NELL1: variants seen among roughly 807,000 people sequenced by gnomAD.
NELL1 encodes the protein neural EGFL like 1.
In NELL1, 76 loss-of-function variants were observed where a neutral mutation model predicts 107.4. The ratio of observed to expected loss-of-function variants is 0.71; its 90% CI spans 0.59 to 0.86. The LOEUF (loss-of-function observed/expected upper bound fraction) is 0.86. Among genes scored for constraint, NELL1 ranks in the 40% least tolerant of loss-of-function variants. The probability of loss-of-function intolerance (pLI) is 0.00; values close to 1 mark genes in which losing one functional copy is unlikely to be tolerated. For missense variants in NELL1, 1,024 were observed against 1,005.5 expected (o/e 1.02, Z -0.25); for synonymous variants, 353 against 341.2 (o/e 1.03, Z -0.38).
rs376781188 is a variant in NELL1 at position 21,341,550 on chromosome 11, A to G, written c.1550-29303A>G. On this transcript the variant is annotated intron_variant, in intron 14 of 19. Coordinates refer to ENST00000357134, the MANE Select transcript of NELL1 (RefSeq NM_006157.5). Reference sequence around the variant, plus strand: ...GAGTCTGGAGTATATGTGATGAATTATATTAATCGGGAGTGAATTGATACT... The same window carrying G: ...GAGTCTGGAGTATATGTGATGAATTGTATTAATCGGGAGTGAATTGATACT... Among the ~76,000 whole-genome samples, 14 of 152,284 alleles carry G rather than the reference A, an allele frequency of 9.2e-5. No individual in the cohort carries two copies. The East Asian group carries it at 1.9e-3, about 21-fold the overall frequency.
At position 21,443,206 on chromosome 11, in the gene NELL1, C is replaced by T. The variant is rs576140383; in HGVS notation, c.1645+72258C>T. Among the ~76,000 whole-genome samples, 23 of 152,112 alleles carry T rather than the reference C, an allele frequency of 1.5e-4. No individual in the cohort carries two copies. The South Asian group carries it at 3.9e-3, about 26-fold the overall frequency. On this transcript the variant is annotated intron_variant, in intron 15 of 19. Coordinates refer to ENST00000357134, the MANE Select transcript of NELL1 (RefSeq NM_006157.5). ...GAAAAAAAAGTTAGACCAAACTCAT[C>T]GTTTTATGAGGAGCCCAATTTCTGA...
At chr11:20,802,712 A>G (rs1410066887) in intron 3 of NELL1, among the ~76,000 whole-genome samples, 2 of 152,110 alleles carry the variant, frequency 1.3e-5, no homozygotes, top group Admixed American at 6.5e-5. Context: ...TCTTTCATAC[A>G]TGGCTTTTAT....
At chr11:21,077,230 A>G (rs1475249586) in intron 12 of NELL1, among the ~76,000 whole-genome samples, 2 of 152,202 alleles carry the variant, frequency 1.3e-5, no homozygotes, top group African/African-American at 4.8e-5. Flanking sequence ...ATATTATTCT[A>G]AAGACATAGA....
At chr11:20,837,022 G>A (rs1019153695) in intron 3 of NELL1, among the ~76,000 whole-genome samples, 2 of 152,116 alleles carry the variant, frequency 1.3e-5, no homozygotes, top group Admixed American at 6.6e-5. Context: ...ATATCTAACT[G>A]TATTATAAAT....
At chr11:20,806,694 T>G (rs1286402861) in intron 3 of NELL1, among the ~76,000 whole-genome samples, 8 of 152,176 alleles carry the variant, frequency 5.3e-5, no homozygotes, top group Admixed American at 5.2e-4. Context: ...TCGAAGCTAT[T>G]TTCTAGATCT....
chr11:21,536,988 C>T (rs1408587957), intron 16 of NELL1, among the ~76,000 whole-genome samples: 2 of 152,156 alleles, frequency 1.3e-5, no homozygotes, highest in Admixed American at 6.5e-5. Context: ...AACCTGATCC[C>T]TGTTTTGCAA....
rs556420098 is a variant in NELL1, at chr11:20,886,506, T to C, written c.603+966T>C. 3.0e-4 allele frequency among the ~76,000 whole-genome samples: 46 copies of C among 152,206 alleles called. No homozygotes were observed. The South Asian group carries it at 9.3e-3, about 31-fold the overall frequency. ...CAGCATTGTACTTATACGAAAGGAA[T>C]TCCTTGGGGACCAAATATATGGAGG... is the stretch of plus-strand genomic sequence containing the variant. On this transcript the variant is annotated intron_variant, in intron 5 of 19. Transcript: ENST00000357134.
chr11:21,298,316 T>C (rs1396084531), intron 14 of NELL1, among the ~76,000 whole-genome samples: 2 of 152,028 alleles, frequency 1.3e-5, no homozygotes, highest in Non-Finnish European at 2.9e-5. Context: ...TCTATCTCAA[T>C]GTCAGTTTCT....
intron 15 of NELL1, among the ~76,000 whole-genome samples, chr11:21,485,621 A>G (rs1854606744): frequency 7.0e-6 from 1 of 143,416 alleles, no homozygotes; most frequent in Admixed American, 6.9e-5. Flanking sequence ...AGTTCTACAA[A>G]TGCCTGCTTA....
At chr11:21,209,703 G>T (rs1471398883) in intron 13 of NELL1, among the ~76,000 whole-genome samples, 1 of 151,998 alleles carries the variant, frequency 6.6e-6, no homozygotes, top group Non-Finnish European at 1.5e-5. Flanking sequence ...TCTGGTTTTA[G>T]AACATTTCTT....
intron 11 of NELL1, among the ~76,000 whole-genome samples, chr11:20,955,160 A>C (rs937278516): frequency 1.3e-5 from 2 of 152,200 alleles, no homozygotes; most frequent in African/African-American, 2.4e-5. Flanking sequence ...AACATCAAGC[A>C]CTGCTAGTTT....
intron 13 of NELL1, among the ~76,000 whole-genome samples, chr11:21,138,893 A>G (rs1461040161): frequency 6.6e-6 from 1 of 152,148 alleles, no homozygotes; most frequent in Non-Finnish European, 1.5e-5. Context: ...CTGGATTACA[A>G]TGGATCTAGC....
At chr11:20,881,301 GT>G (rs1218246686) in intron 4 of NELL1, among the ~76,000 whole-genome samples, 3 of 152,168 alleles carry the variant, frequency 2.0e-5, no homozygotes, top group African/African-American at 7.2e-5. Flanking sequence ...ATTATTTACT[GT>G]TTTTGTTTTC....
chr11:20,921,751 AAAG>A (rs1850380545), intron 7 of NELL1, among the ~76,000 whole-genome samples: 2 of 151,978 alleles, frequency 1.3e-5, no homozygotes, highest in South Asian at 2.1e-4. Context: ...GTAACTTTTC[AAAG>A]AAGAAGGTTA....
Position 20,721,869 on chromosome 11 carries a change from C to T in NELL1, c.184+43809C>T, listed in dbSNP as rs117692457. Among the ~76,000 whole-genome samples the T allele has an allele frequency of 1.1e-3, 163 of 152,208 alleles. 2 individuals carry two copies. In the East Asian group the frequency reaches 0.023, roughly 22 times the overall value. ...AATCTATCCTTTATCAGATGCTTAACAGGTTAACATGTGAGGGTTTGAAGA... is the reference window on the plus strand; with the variant it reads ...AATCTATCCTTTATCAGATGCTTAATAGGTTAACATGTGAGGGTTTGAAGA... On this transcript the variant is annotated intron_variant, in intron 2 of 19. Transcript: ENST00000357134.
intron 2 of NELL1, among the ~76,000 whole-genome samples, chr11:20,693,169 C>T (rs1386687344): frequency 1.3e-5 from 2 of 151,872 alleles, no homozygotes; most frequent in South Asian, 2.1e-4. Flanking sequence ...TTATTTTGAG[C>T]CTATGTGTGT....
At chr11:20,986,902 A>G (rs563866178) in intron 12 of NELL1, among the ~76,000 whole-genome samples, 1 of 152,306 alleles carries the variant, frequency 6.6e-6, no homozygotes, top group South Asian at 2.1e-4. Context: ...CTTACATAAT[A>G]TGTAAGAAAG....
At chr11:21,510,222 T>G (rs1855400850) in intron 15 of NELL1, among the ~76,000 whole-genome samples, 1 of 152,068 alleles carries the variant, frequency 6.6e-6, no homozygotes, top group African/African-American at 2.4e-5. Context: ...ATGGATGGCT[T>G]TTAGAAATCA....
chr11:21,532,188 T>C (rs920474438), intron 15 of NELL1, among the ~76,000 whole-genome samples: 2 of 152,144 alleles, frequency 1.3e-5, no homozygotes, highest in Non-Finnish European at 2.9e-5. Flanking sequence ...TCATTTCCCA[T>C]GCAAGCCAGG....
Sources: allele counts gnomAD v4.1 joint callset (sites outside exome capture counted in the v4.1 genomes callset), GRCh38; gene constraint gnomAD v4.1.1; transcripts MANE v1.5; gene names NCBI Gene and HGNC (gene_info 2026-07-23, HGNC 2026-07-21).